The following XYLT1 variants were observed in gnomAD, a reference collection of about 807,000 sequenced individuals.
XYLT1 encodes the protein beta-D-xylosyltransferase 1.
A neutral mutation model predicts 91.3 loss-of-function variants in XYLT1; 36 were observed. That is an observed-to-expected ratio of 0.39 (90% CI 0.30 to 0.52). The LOEUF (loss-of-function observed/expected upper bound fraction) is 0.52. Among genes scored for constraint, XYLT1 ranks in the 20% least tolerant of loss-of-function variants. The pLI is 0.68. For synonymous variants in XYLT1, 588 were observed against 532.0 expected, an observed-to-expected ratio of 1.11 and a Z score of -1.45; for missense variants, 1,242 against 1,284.5, an observed-to-expected ratio of 0.97 and a Z score of 0.51.
At chr16:17,250,385 C>G (rs1273543779) in intron 3 of XYLT1, 1 of 152,258 alleles carries the variant, frequency 6.6e-6, no homozygotes, top group African/African-American at 2.4e-5. Context: ...GTGAAACTCA[C>G]ATTTCGGTGA....
intron 1 of XYLT1, among the ~76,000 whole-genome samples, chr16:17,365,204 A>G (rs923529505): frequency 5.9e-5 from 9 of 152,112 alleles, no homozygotes; most frequent in African/African-American, 1.9e-4. Flanking sequence ...ACCACCCTCC[A>G]CTTTCCAGCA....
intron 5 of XYLT1, among the ~76,000 whole-genome samples, chr16:17,195,016 G>A (rs949056506): frequency 2.6e-5 from 4 of 152,116 alleles, no homozygotes; most frequent in Non-Finnish European, 4.4e-5. Flanking sequence ...TTTCTCAAAC[G>A]CAACAAGTTT....
At chr16:17,143,516 ACT>A (rs1452822488) in intron 6 of XYLT1, among the ~76,000 whole-genome samples, 1 of 151,392 alleles carries the variant, frequency 6.6e-6, no homozygotes, top group Non-Finnish European at 1.5e-5. Flanking sequence ...CTTATGAATA[ACT>A]CTATTGTATG....
intron 1 of XYLT1, among the ~76,000 whole-genome samples, chr16:17,393,788 T>C (rs1016822074): frequency 3.3e-5 from 5 of 151,644 alleles, no homozygotes; most frequent in African/African-American, 4.8e-5. Context: ...ATTATTATTA[T>C]TTTTTGAGAT....
chr16:17,136,690 G>A (rs779749206), intron 8 of XYLT1, among the ~76,000 whole-genome samples: 12 of 152,052 alleles, frequency 7.9e-5, no homozygotes, highest in African/African-American at 1.7e-4. Flanking sequence ...AACAGGGCAC[G>A]TTACCATATT....
At chr16:17,388,136 A>T (rs2035769322) in intron 1 of XYLT1, among the ~76,000 whole-genome samples, 1 of 152,236 alleles carries the variant, frequency 6.6e-6, no homozygotes, top group African/African-American at 2.4e-5. Flanking sequence ...CAATTAGGCA[A>T]AATCATCTAA....
intron 1 of XYLT1, among the ~76,000 whole-genome samples, chr16:17,448,968 G>A (rs76602298): frequency 0.036 from 5,434 of 152,284 alleles, 123 homozygotes; most frequent in Middle Eastern, 0.051. Context: ...GCAGAGCCAG[G>A]CTGCGAACTC....
intron 2 of XYLT1, among the ~76,000 whole-genome samples, chr16:17,326,824 CAAAAACAAAA>C (rs925967605): frequency 2.0e-5 from 3 of 148,212 alleles, no homozygotes; most frequent in East Asian, 2.0e-4. Context: ...GACTCCATCT[CAAAAACAAAA>C]AAAAACAAAA....
At chr16:17,238,356 T>C (rs776564734) in intron 3 of XYLT1, among the ~76,000 whole-genome samples, 2 of 152,186 alleles carry the variant, frequency 1.3e-5, no homozygotes, top group Non-Finnish European at 1.5e-5. Flanking sequence ...CGGTTTTTGC[T>C]ATTGAAAGTG....
intron 11 of XYLT1, among the ~76,000 whole-genome samples, chr16:17,115,278 A>C (rs563559813): frequency 2.7e-4 from 39 of 146,502 alleles, no homozygotes; most frequent in African/African-American, 9.1e-4. Flanking sequence ...GAGACCAGCC[A>C]GGACAACACA....
chr16:17,454,247 C>T (rs1410579607), intron 1 of XYLT1, among the ~76,000 whole-genome samples: 1 of 152,174 alleles, frequency 6.6e-6, no homozygotes, highest in Non-Finnish European at 1.5e-5. Flanking sequence ...TTTATAATGG[C>T]CCCAAACTGG....
chr16:17,261,417 G>A (rs1021716891), intron 2 of XYLT1, among the ~76,000 whole-genome samples: 1 of 152,094 alleles, frequency 6.6e-6, no homozygotes, highest in African/African-American at 2.4e-5. Context: ...AAGCACCCAT[G>A]AACAAGTGAC....
intron 1 of XYLT1, among the ~76,000 whole-genome samples, chr16:17,391,808 T>G (rs1403399604): frequency 6.6e-6 from 1 of 152,174 alleles, no homozygotes; most frequent in East Asian, 1.9e-4. Flanking sequence ...TTTCCCCCCA[T>G]ACTGTTCTCA....
chr16:17,181,654 G>A (rs537984095), intron 5 of XYLT1, among the ~76,000 whole-genome samples: 126 of 152,262 alleles, frequency 8.3e-4, no homozygotes, highest in African/African-American at 2.9e-3. Context: ...GGGAGGAACT[G>A]AGGGTAGGAT....
In XYLT1 at chr16:17,259,243, C is replaced by CG; in HGVS notation, c.657dup (p.Gly220ArgfsTer33). The CG allele has an allele frequency of 6.2e-7, 1 of 1,613,982 alleles. No individual in the cohort carries two copies. Among genetic ancestry groups the CG allele is most frequent in the Non-Finnish European group, 8.5e-7 (1 of 1,179,996 alleles). On this transcript the variant is annotated frameshift_variant, in exon 3 of 12. Coordinates refer to ENST00000261381, the MANE Select transcript of XYLT1 (RefSeq NM_022166.4). LOFTEE classifies it high-confidence loss of function. ...CTGCTGTTGGCTGCGGCTCTGTCCC[C>CG]GGGAGGCAGCACCTCACCGGGGCCT...
intron 3 of XYLT1, among the ~76,000 whole-genome samples, chr16:17,244,142 G>A (rs1326364023): frequency 6.6e-6 from 1 of 152,130 alleles, no homozygotes; most frequent in African/African-American, 2.4e-5. Context: ...CAGAACTAGG[G>A]GGAACAGGAT....
intron 1 of XYLT1, among the ~76,000 whole-genome samples, chr16:17,406,604 T>G: frequency 6.6e-6 from 1 of 152,206 alleles, no homozygotes; most frequent in East Asian, 1.9e-4. Context: ...ATGAGTCATT[T>G]GATCATCTGG....
At chr16:17,423,300 A>G (rs2036272096) in intron 1 of XYLT1, among the ~76,000 whole-genome samples, 1 of 148,724 alleles carries the variant, frequency 6.7e-6, no homozygotes, top group African/African-American at 2.6e-5. Flanking sequence ...TTGCCCCAAA[A>G]CACAGGATCA....
At chr16:17,223,015 G>A (rs1032621449) in intron 3 of XYLT1, among the ~76,000 whole-genome samples, 4 of 149,974 alleles carry the variant, frequency 2.7e-5, no homozygotes, top group South Asian at 4.2e-4. Flanking sequence ...TTCAGGGTCA[G>A]TGTGAGGCAA....
Sources: allele counts gnomAD v4.1 joint callset (sites outside exome capture counted in the v4.1 genomes callset), GRCh38; gene constraint gnomAD v4.1.1; transcripts MANE v1.5; gene names NCBI Gene and HGNC (gene_info 2026-07-23, HGNC 2026-07-21).